Variants in IGSF10 observed in about 807,000 individuals in gnomAD.
The protein encoded by IGSF10 is immunoglobulin superfamily member 10, also known as calvaria mechanical force protein 608.
Under a neutral mutation model 128.2 loss-of-function variants are expected in IGSF10, and 126 were observed. The ratio of observed to expected loss-of-function variants is 0.98; its 90% confidence interval spans 0.85 to 1.14. IGSF10 has a LOEUF of 1.14. IGSF10 is among the 50% of genes most tolerant of loss of function. The pLI is 0.00. For missense variants in IGSF10, 3,295 were observed against 3,149.8 expected, an observed-to-expected ratio of 1.05 and a Z score of -1.10; for synonymous variants, 1,185 against 1,146.2, an observed-to-expected ratio of 1.03 and a Z score of -0.68.
At chr3:151,461,229 C>T, upstream of IGSF10, 1 of 985,362 alleles carries the variant, frequency 1.0e-6, no homozygotes, top group Non-Finnish European at 1.2e-6. Context: ...AGGGCTTTCT[C>T]CTAGCAAGTT....
the IGSF10 span, among the ~76,000 whole-genome samples, chr3:151,561,792 G>A: frequency 6.6e-6 from 1 of 152,090 alleles, no homozygotes; most frequent in African/African-American, 2.4e-5. Context: ...CAAAGTATGT[G>A]GAAGGCAGAG....
chr3:151,490,891 G>A, the IGSF10 span, among the ~76,000 whole-genome samples: 1 of 152,032 alleles, frequency 6.6e-6, no homozygotes, highest in African/African-American at 2.4e-5. Flanking sequence ...TTGGGAGGAA[G>A]TTTATAGCAT....
At chr3:151,567,653 A>T in the IGSF10 span, among the ~76,000 whole-genome samples, 2 of 152,062 alleles carry the variant, frequency 1.3e-5, no homozygotes, top group African/African-American at 4.8e-5. Flanking sequence ...CCTCTGTGGG[A>T]CCCTTCCACT....
At chr3:151,574,668 T>C in the IGSF10 span, among the ~76,000 whole-genome samples, 1 of 152,238 alleles carries the variant, frequency 6.6e-6, no homozygotes, top group Non-Finnish European at 1.5e-5. Context: ...TCGAACATCC[T>C]CCTTTAGCTC....
At chr3:151,471,075 T>C in the IGSF10 span, among the ~76,000 whole-genome samples, 1 of 152,274 alleles carries the variant, frequency 6.6e-6, no homozygotes, top group East Asian at 1.9e-4. Context: ...GTGGGGATTA[T>C]TGAATCATGG....
chr3:151,527,303 A>G, the IGSF10 span, among the ~76,000 whole-genome samples: 1 of 152,122 alleles, frequency 6.6e-6, no homozygotes, highest in Non-Finnish European at 1.5e-5. Context: ...TTTATGCTTC[A>G]TGCTGGTTCC....
chr3:151,464,839 G>A (rs1274967901), upstream of IGSF10, among the ~76,000 whole-genome samples: 9 of 152,280 alleles, frequency 5.9e-5, no homozygotes, highest in South Asian at 1.5e-3. Context: ...GCAGGAAAAG[G>A]AGGTAGAAAG....
the IGSF10 span, among the ~76,000 whole-genome samples, chr3:151,545,132 T>A: frequency 6.6e-6 from 1 of 152,220 alleles, no homozygotes; most frequent in Non-Finnish European, 1.5e-5. Flanking sequence ...ATTAGTTACA[T>A]AATTTTGAAA....
chr3:151,496,749 T>C, the IGSF10 span, among the ~76,000 whole-genome samples: 1 of 151,806 alleles, frequency 6.6e-6, no homozygotes, highest in Non-Finnish European at 1.5e-5. Flanking sequence ...CTGAGGAATT[T>C]CCACACTGAC....
chr3:151,467,425 A>G, the IGSF10 span, among the ~76,000 whole-genome samples: 1 of 152,222 alleles, frequency 6.6e-6, no homozygotes, highest in Non-Finnish European at 1.5e-5. Context: ...TAGAATCCTA[A>G]TAGGAGCTTA....
At chr3:151,558,095 CT>C in the IGSF10 span, among the ~76,000 whole-genome samples, 1 of 133,146 alleles carries the variant, frequency 7.5e-6, no homozygotes, top group South Asian at 2.3e-4. Context: ...TGGATAGATT[CT>C]ATTTTTCATG....
At chr3:151,591,089 G>A in the IGSF10 span, among the ~76,000 whole-genome samples, 3 of 152,134 alleles carry the variant, frequency 2.0e-5, no homozygotes, top group Non-Finnish European at 4.4e-5. Context: ...TGGCCATCAT[G>A]TACTGTTGGA....
chr3:151,441,247 A>C (rs911239291), intron 7 of IGSF10, among the ~76,000 whole-genome samples: 3 of 152,188 alleles, frequency 2.0e-5, no homozygotes, highest in African/African-American at 7.2e-5. Context: ...TTTATAAACT[A>C]ATATTTTTGA....
the IGSF10 span, among the ~76,000 whole-genome samples, chr3:151,468,638 T>C: frequency 6.6e-6 from 1 of 152,222 alleles, no homozygotes; most frequent in East Asian, 1.9e-4. Context: ...ACAGTCCCGA[T>C]GAATACTGGA....
At position 151,443,712 on chromosome 3, in the gene IGSF10, GGGA is replaced by G. The variant is rs763419919; in HGVS notation, c.5232_5234del (p.Pro1745del). On this transcript the variant is annotated inframe_deletion, in exon 7 of 8. Coordinates refer to ENST00000282466, the MANE Select transcript of IGSF10 (RefSeq NM_178822.5). ...CTTTGGTACGTCTCTCCAGGATCCTGGGAGGATAGGAAACCACAGACAAGGTGA... is the reference window on the plus strand; with the variant it reads ...CTTTGGTACGTCTCTCCAGGATCCTGGGATAGGAAACCACAGACAAGGTGA... 1 of 1,614,146 alleles carries G rather than the reference GGGA, an allele frequency of 6.2e-7. No individual in the cohort carries two copies. Among genetic ancestry groups the G allele is most frequent in the Non-Finnish European group, 8.5e-7 (1 of 1,180,030 alleles).
the IGSF10 span, among the ~76,000 whole-genome samples, chr3:151,614,362 A>C: frequency 6.6e-6 from 1 of 152,230 alleles, no homozygotes; most frequent in Non-Finnish European, 1.5e-5. Context: ...CTATAAAGAC[A>C]CATGCACACG....
chr3:151,445,908 G>T lies in IGSF10; in HGVS notation c.4073C>A (p.Pro1358Gln). Reference protein sequence around the residue: ...QEPQKKNRTDPNISPDQSSGF... With the variant: ...QEPQKKNRTDQNISPDQSSGF... Reference sequence around the variant, plus strand: ...AGAACTCTGGTCTGGAGAGATGTTTGGGTCAGTCCTGTTCTTCTTTTGAGG... The same window carrying T: ...AGAACTCTGGTCTGGAGAGATGTTTTGGTCAGTCCTGTTCTTCTTTTGAGG... Residue 1358 changes from proline (P) to glutamine (Q), a missense_variant, in exon 6 of 8, where the codon CCA becomes CAA. Transcript: ENST00000282466. 6.2e-7 allele frequency: 1 copy of T among 1,614,128 alleles called. No homozygotes were observed. The highest frequency in any genetic ancestry group is 8.5e-7 in the Non-Finnish European group (1 of 1,180,038).
upstream of IGSF10, among the ~76,000 whole-genome samples, chr3:151,464,374 CCT>C (rs1438763937): frequency 6.6e-6 from 1 of 152,088 alleles, no homozygotes; most frequent in Non-Finnish European, 1.5e-5. Context: ...TTATATCACC[CCT>C]GAGAATTACA....
chr3:151,592,809 A>G, the IGSF10 span, among the ~76,000 whole-genome samples: 1 of 152,174 alleles, frequency 6.6e-6, no homozygotes, highest in Non-Finnish European at 1.5e-5. Context: ...ATTACTGTTG[A>G]CTAGTCTACA....
Sources: gnomAD v4.1 joint callset for allele counts (sites outside exome capture counted in the v4.1 genomes callset) on GRCh38, gnomAD v4.1.1 for gene constraint, MANE v1.5 for transcripts, NCBI Gene and HGNC (gene_info 2026-07-23, HGNC 2026-07-21) for gene names.